Variants in TTC1 observed in about 807,000 individuals in gnomAD.
TTC1 encodes tetratricopeptide repeat protein 1.
A neutral mutation model predicts 37.6 loss-of-function variants in TTC1; 31 were observed. That is an observed-to-expected ratio of 0.82 (90% confidence interval 0.62 to 1.11). The LOEUF is 1.11. TTC1 is among the 50% of genes most tolerant of loss of function. TTC1 has a pLI of 0.00. For missense variants in TTC1, 351 were observed against 339.0 expected (o/e 1.04, Z -0.28); for synonymous variants, 127 against 122.4 (o/e 1.04, Z -0.25).
At chr5:160,059,594 T>A (rs1444908691) in intron 7 of TTC1, among the ~76,000 whole-genome samples, 1 of 152,244 alleles carries the variant, frequency 6.6e-6, no homozygotes, top group African/African-American at 2.4e-5. Flanking sequence ...GGATTATTAA[T>A]TGACCTAATT....
intron 7 of TTC1, among the ~76,000 whole-genome samples, chr5:160,059,277 T>G (rs1245830277): frequency 1.3e-5 from 2 of 152,256 alleles, no homozygotes; most frequent in Non-Finnish European, 2.9e-5. Flanking sequence ...TTTTTGCAGC[T>G]TCTATGTCAG....
In TTC1 at chr5:160,010,594, T is replaced by G. The variant is rs966544516; in HGVS notation, c.66T>G (p.Asp22Glu). 1.4e-5 allele frequency: 22 copies of G among 1,614,048 alleles called. No individual in the cohort carries two copies. The highest frequency in any genetic ancestry group is 6.7e-5 in the Admixed American group (4 of 60,002). ...TGTTAAATGGTTTGAAGGTTACAGA[T>G]ACTCAGGAAGCCGAGTGTGCTGGCC... ...EDLLNGLKVT[D>E]TQEAECAGPP... Residue 22 changes from aspartate (D) to glutamate (E), a missense_variant, in exon 2 of 8, where the codon GAT becomes GAG. By Grantham distance (45) the Asp-to-Glu change is conservative. Transcript: ENST00000231238.
At chr5:160,015,805 AC>A (rs1268297662) in intron 2 of TTC1, among the ~76,000 whole-genome samples, 1 of 152,194 alleles carries the variant, frequency 6.6e-6, no homozygotes, top group Non-Finnish European at 1.5e-5. Flanking sequence ...ATAGGTCACA[AC>A]CTGGGACTTG....
chr5:160,011,040 G>A (rs766574073), intron 2 of TTC1, among the ~76,000 whole-genome samples, 182 bp downstream of exon 2: 2 of 152,126 alleles, frequency 1.3e-5, no homozygotes, highest in African/African-American at 2.4e-5. Flanking sequence ...ACTTGAGTGT[G>A]TCTGCTTAAC....
At chr5:160,041,301 T>G (rs1008809900) in intron 4 of TTC1, among the ~76,000 whole-genome samples, 3 of 150,906 alleles carry the variant, frequency 2.0e-5, no homozygotes, top group African/African-American at 7.3e-5. Flanking sequence ...ATGTATGTAT[T>G]ATGCTTTCTT....
In TTC1 at chr5:160,065,071, A is replaced by G; in HGVS notation, c.*6A>G. ...ATCCAAATAATAACAGATAACAAAG[A>G]TAACAAAAGCTTTACAAGCTGACTT... On this transcript the variant is annotated 3_prime_UTR_variant, in exon 8 of 8. Transcript: ENST00000231238. 6.2e-7 allele frequency: 1 copy of G among 1,608,356 alleles called. No individual in the cohort carries two copies. The highest frequency in any genetic ancestry group is 8.5e-7 in the Non-Finnish European group (1 of 1,178,866).
chr5:160,027,812 T>G (rs1756833052), intron 2 of TTC1, among the ~76,000 whole-genome samples: 1 of 152,236 alleles, frequency 6.6e-6, no homozygotes, highest in Admixed American at 6.5e-5. Context: ...ACTGTTCTGG[T>G]GAGAAGTCAG....
intron 5 of TTC1, among the ~76,000 whole-genome samples, chr5:160,045,695 G>A (rs1303203227): frequency 6.6e-6 from 1 of 151,774 alleles, no homozygotes; most frequent in Non-Finnish European, 1.5e-5. Context: ...AAGTAGCTGG[G>A]ACTACAGGTG....
intron 2 of TTC1, among the ~76,000 whole-genome samples, chr5:160,032,702 C>CTTTT (rs70987990): frequency 0.038 from 2,873 of 74,750 alleles, 280 homozygotes; most frequent in Non-Finnish European, 0.049. Flanking sequence ...TACCTGCTTT[C>CTTTT]TTTTTTTTTT....
chr5:160,048,099 GA>G (rs1190643338), intron 5 of TTC1, among the ~76,000 whole-genome samples: 1 of 92,600 alleles, frequency 1.1e-5, no homozygotes, highest in Non-Finnish European at 2.2e-5. Flanking sequence ...TATGAGAAAA[GA>G]AAAAAGTTCT....
intron 6 of TTC1, among the ~76,000 whole-genome samples, chr5:160,050,359 A>C (rs1424295977): frequency 4.6e-5 from 7 of 152,086 alleles, no homozygotes. Flanking sequence ...AGGCAGGAGA[A>C]TCGCTTGAAC....
chr5:160,050,141 T>G (rs1222814215), intron 6 of TTC1, among the ~76,000 whole-genome samples: 2 of 151,572 alleles, frequency 1.3e-5, no homozygotes, highest in African/African-American at 4.8e-5. Flanking sequence ...AGAGTAAGAC[T>G]TTGTATCTTA....
intron 2 of TTC1, among the ~76,000 whole-genome samples, chr5:160,034,110 T>C (rs1281908357): frequency 1.3e-5 from 2 of 150,226 alleles, no homozygotes; most frequent in African/African-American, 4.9e-5. Flanking sequence ...CTGGACAACA[T>C]AGTGAGACCC....
intron 4 of TTC1, among the ~76,000 whole-genome samples, chr5:160,038,686 G>A (rs1234473146): frequency 8.2e-5 from 11 of 133,850 alleles, no homozygotes; most frequent in East Asian, 4.5e-4. Flanking sequence ...TTTTTGAGAC[G>A]GAGTCTCACT....
intron 6 of TTC1, among the ~76,000 whole-genome samples, 169 bp from the exon 7 acceptor site, chr5:160,050,960 A>C (rs1414715231): frequency 7.3e-6 from 1 of 137,864 alleles, no homozygotes; most frequent in Admixed American, 7.5e-5. Context: ...AGCGCACCAC[A>C]AACATAAATA....
At chr5:160,059,618 G>A (rs1006235080) in intron 7 of TTC1, among the ~76,000 whole-genome samples, 2 of 152,188 alleles carry the variant, frequency 1.3e-5, no homozygotes, top group Admixed American at 1.3e-4. Flanking sequence ...ATATTGTTGT[G>A]GCTTAGGGAA....
chr5:160,024,092 G>T, intron 2 of TTC1: 2 of 843,048 alleles, frequency 2.4e-6, no homozygotes, highest in Non-Finnish European at 2.0e-6. Context: ...TGGGCAATGG[G>T]TAGAGCCTTC....
intron 2 of TTC1, among the ~76,000 whole-genome samples, chr5:160,030,342 A>G (rs1346856948): frequency 1.3e-5 from 2 of 152,224 alleles, no homozygotes; most frequent in Non-Finnish European, 2.9e-5. Flanking sequence ...CAGACTGTCT[A>G]GCAGAGAGGA....
chr5:160,050,102 C>T (rs1461029097), intron 6 of TTC1, among the ~76,000 whole-genome samples: 1 of 151,748 alleles, frequency 6.6e-6, no homozygotes, highest in African/African-American at 2.4e-5. Flanking sequence ...TGAGCTGTGA[C>T]TACATCACTG....
Sources: gnomAD v4.1 joint callset for allele counts (sites outside exome capture counted in the v4.1 genomes callset) on GRCh38, gnomAD v4.1.1 for gene constraint, MANE v1.5 for transcripts, NCBI Gene and HGNC (gene_info 2026-07-23, HGNC 2026-07-21) for gene names.